The following TAF15 variants were observed in gnomAD, a reference collection of about 807,000 sequenced individuals.
TAF15 encodes TATA-box binding protein associated factor 15.
In TAF15, 37 loss-of-function variants were observed where a neutral mutation model predicts 102.5. The ratio of observed to expected loss-of-function variants is 0.36; its 90% CI spans 0.28 to 0.47. TAF15 has a LOEUF of 0.47. Ranked by LOEUF, TAF15 falls within the 20% of genes least tolerant of loss-of-function variation. TAF15 has a pLI of 0.99. For synonymous variants in TAF15, 273 were observed against 259.2 expected (o/e 1.05, Z -0.51); for missense variants, 652 against 760.7 (o/e 0.86, Z 1.68).
chr17:35,833,850 G>A (rs1248754509), intron 7 of TAF15, 57 bp from the exon 8 acceptor site: 1 of 1,585,504 alleles, frequency 6.3e-7, no homozygotes, highest in Non-Finnish European at 8.6e-7. Flanking sequence ...TTGAGCCCAG[G>A]GCTCAGCACA....
chr17:35,844,466 C>A lies in TAF15; in HGVS notation c.1178-11C>A, dbSNP rs780435328. 6.2e-7 allele frequency: 1 copy of A among 1,613,622 alleles called. No individual in the cohort carries two copies. Among genetic ancestry groups the A allele is most frequent in the South Asian group, 1.1e-5 (1 of 91,080 alleles). Reference sequence around the variant, plus strand: ...TCTGCTGGCCTCATTGTTTGCATTTCTACCTTGCAGATTTCCGGGGGAGAG... The same window carrying A: ...TCTGCTGGCCTCATTGTTTGCATTTATACCTTGCAGATTTCCGGGGGAGAG... On this transcript the variant is annotated splice_polypyrimidine_tract_variant and intron_variant, in intron 14 of 15. Transcript: ENST00000605844.
chr17:35,846,180 C>T (rs2087621265), intron 15 of TAF15, among the ~76,000 whole-genome samples: 1 of 152,202 alleles, frequency 6.6e-6, no homozygotes, highest in Admixed American at 6.5e-5. Context: ...AGTTGGGAAG[C>T]AGACTGTCTG....
intron 7 of TAF15, among the ~76,000 whole-genome samples, chr17:35,829,631 C>CAAAAAAAAAAAAAA (rs746776421): frequency 3.0e-5 from 1 of 33,110 alleles, no homozygotes; most frequent in Non-Finnish European, 5.8e-5. Context: ...GACTCCATCT[C>CAAAAAAAAAAAAAA]AAAAAAAAAA....
chr17:35,814,113 C>T (rs1018151567), intron 1 of TAF15, among the ~76,000 whole-genome samples: 1 of 151,740 alleles, frequency 6.6e-6, no homozygotes, highest in African/African-American at 2.4e-5. Context: ...TTCTGTGTTG[C>T]CCAGGCTGGT....
chr17:35,813,189 TA>T (rs1005543770), intron 1 of TAF15, among the ~76,000 whole-genome samples: 1 of 146,616 alleles, frequency 6.8e-6, no homozygotes, highest in African/African-American at 2.5e-5. Flanking sequence ...AAGAATCAAG[TA>T]AAACGTTTAG....
chr17:35,842,598 G>A, intron 12 of TAF15, 139 bp downstream of exon 12: 1 of 686,266 alleles, frequency 1.5e-6, no homozygotes, highest in Non-Finnish European at 2.6e-6. Flanking sequence ...AATGAGTTCA[G>A]GTACTGAATA....
intron 6 of TAF15, among the ~76,000 whole-genome samples, chr17:35,823,260 C>A (rs2087285220): frequency 6.6e-6 from 1 of 152,060 alleles, no homozygotes; most frequent in African/African-American, 2.4e-5. Context: ...ATAGTAAGTG[C>A]TTGTTGAATA....
intron 7 of TAF15, 76 bp downstream of exon 7, chr17:35,824,274 A>G: frequency 6.4e-7 from 1 of 1,566,030 alleles, no homozygotes; most frequent in African/African-American, 1.4e-5. Flanking sequence ...ACTTGGCTGG[A>G]TCAATTCCAG....
chr17:35,833,671 A>C lies in TAF15; in HGVS notation c.606-236A>C, dbSNP rs2087434665. The C allele has an allele frequency of 6.5e-5, 31 of 479,186 alleles. No homozygotes were observed. The South Asian group carries it at 9.5e-4, about 15-fold the overall frequency. The allele number at this position is 479,186 out of a possible 1,614,324, so 29.7% of individuals were successfully genotyped here. On this transcript the variant is annotated intron_variant, in intron 7 of 15. Coordinates refer to ENST00000605844, the MANE Select transcript of TAF15 (RefSeq NM_139215.3). ...TTGGGGTTGGGAAGATTTAGAAATA[A>C]GAGTATATTAGATATGTAATAAGCT...
At chr17:35,845,663 C>G (rs1322693464) in intron 15 of TAF15, among the ~76,000 whole-genome samples, 2 of 152,144 alleles carry the variant, frequency 1.3e-5, no homozygotes, top group Non-Finnish European at 2.9e-5. Context: ...GCGCCCGCCA[C>G]CACGCCCGGC....
chr17:35,822,228 C>T (rs1163566662), intron 5 of TAF15, among the ~76,000 whole-genome samples: 2 of 151,620 alleles, frequency 1.3e-5, no homozygotes, highest in Admixed American at 6.6e-5. Flanking sequence ...GTAATCTGAG[C>T]TACTCGGGAG....
At chr17:35,823,850 G>C in intron 6 of TAF15, 1 of 602,646 alleles carries the variant, frequency 1.7e-6, no homozygotes, top group Non-Finnish European at 3.0e-6. Flanking sequence ...ATTTGACACA[G>C]ATACATTACT....
chr17:35,809,885 A>T (rs2087104893), intron 1 of TAF15: 2 of 557,448 alleles, frequency 3.6e-6, no homozygotes, highest in Non-Finnish European at 6.4e-6. Context: ...CGTCTACGCC[A>T]TCGTAGGGGC....
intron 7 of TAF15, among the ~76,000 whole-genome samples, chr17:35,825,979 G>A (rs1387479895): frequency 6.6e-6 from 1 of 151,856 alleles, no homozygotes; most frequent in Admixed American, 6.6e-5. Flanking sequence ...AAAAAAAAAT[G>A]TATTTTCATT....
intron 1 of TAF15, among the ~76,000 whole-genome samples, chr17:35,811,866 T>C (rs1282409867): frequency 1.3e-5 from 2 of 152,204 alleles, no homozygotes; most frequent in Non-Finnish European, 2.9e-5. Flanking sequence ...CAGACCACGA[T>C]TAACTTGAAA....
At chr17:35,833,664 A>C (rs2087434629) in intron 7 of TAF15, 5 of 463,726 alleles carry the variant, frequency 1.1e-5, no homozygotes, top group Non-Finnish European at 1.9e-5. Flanking sequence ...GGGAAGATTT[A>C]GAAATAAGAG....
At position 35,820,327 on chromosome 17, in the gene TAF15, T is replaced by C. The variant is rs1275081127; in HGVS notation, c.185-5T>C. 1 of 1,613,946 alleles carries C rather than the reference T, an allele frequency of 6.2e-7. No homozygotes were observed. Among genetic ancestry groups the C allele is most frequent in the East Asian group, 2.2e-5 (1 of 44,874 alleles). Reference sequence around the variant, plus strand: ...CACTAAATGATATACTCATCTAATCTTTAGGTTATTCACAGTCCTATGGTG... The same window carrying C: ...CACTAAATGATATACTCATCTAATCCTTAGGTTATTCACAGTCCTATGGTG... On this transcript the variant is annotated splice_polypyrimidine_tract_variant and splice_region_variant and intron_variant, in intron 4 of 15. Coordinates refer to ENST00000605844, the MANE Select transcript of TAF15 (RefSeq NM_139215.3).
chr17:35,844,338 A>G lies in TAF15; in HGVS notation c.1147A>G (p.Arg383Gly), dbSNP rs751256719. 1 of 1,614,260 alleles carries G rather than the reference A, an allele frequency of 6.2e-7. No homozygotes were observed. The highest frequency in any genetic ancestry group is 8.5e-7 in the Non-Finnish European group (1 of 1,180,052). Residue 383 changes from arginine (R) to glycine (G), a missense_variant, in exon 14 of 16, where the codon AGA becomes GGA. Transcript: ENST00000605844. The stretch of plus-strand genomic sequence containing the variant: ...TTCCTGCAATCAGTGCAATGAGCCT[A>G]GACCAGAGGACTCTCGTCCCTCAGG... ...RNSCNQCNEP[R>G]PEDSRPSGGD...
chr17:35,832,554 C>G (rs935519832), intron 7 of TAF15, among the ~76,000 whole-genome samples: 22 of 151,940 alleles, frequency 1.4e-4, no homozygotes, highest in African/African-American at 4.1e-4. Context: ...GTTCCTCCCC[C>G]CACCCCCCAT....
Sources: allele counts gnomAD v4.1 joint callset (sites outside exome capture counted in the v4.1 genomes callset), GRCh38; gene constraint gnomAD v4.1.1; transcripts MANE v1.5; gene names NCBI Gene and HGNC (gene_info 2026-07-23, HGNC 2026-07-21).